The following LRRTM4 variants were observed in gnomAD, a reference collection of about 807,000 sequenced individuals.
LRRTM4 encodes leucine-rich repeat transmembrane neuronal protein 4.
LRRTM4 carries 25 observed loss-of-function variants against 47.6 expected under a neutral mutation model. The ratio of observed to expected loss-of-function variants is 0.53; its 90% confidence interval spans 0.38 to 0.73. The LOEUF is 0.73. LRRTM4 is among the 30% of genes least tolerant of loss of function. The pLI is 0.00. For missense variants in LRRTM4, 638 were observed against 713.4 expected, an observed-to-expected ratio of 0.89 and a Z score of 1.20; for synonymous variants, 311 against 269.5, an observed-to-expected ratio of 1.15 and a Z score of -1.51.
At chr2:76,841,301 G>C (rs907797131) in intron 3 of LRRTM4, among the ~76,000 whole-genome samples, 1 of 151,130 alleles carries the variant, frequency 6.6e-6, no homozygotes, top group Non-Finnish European at 1.5e-5. Flanking sequence ...GGGAGGGATA[G>C]TATTAGGAGA....
chr2:77,242,606 A>C (rs1675300013), intron 3 of LRRTM4, among the ~76,000 whole-genome samples: 1 of 152,182 alleles, frequency 6.6e-6, no homozygotes, highest in African/African-American at 2.4e-5. Flanking sequence ...TCAAAACCAC[A>C]ATGAGACACT....
intron 3 of LRRTM4, among the ~76,000 whole-genome samples, chr2:76,835,121 T>G (rs1478722073): frequency 6.6e-6 from 1 of 152,122 alleles, no homozygotes; most frequent in African/African-American, 2.4e-5. Flanking sequence ...TATCCTCAAA[T>G]TCAGAACTTG....
intron 3 of LRRTM4, among the ~76,000 whole-genome samples, chr2:76,778,572 T>C (rs1480667315): frequency 6.6e-6 from 1 of 152,062 alleles, no homozygotes; most frequent in Admixed American, 6.5e-5. Flanking sequence ...TATTCTCTGA[T>C]GGTAGTTTGT....
chr2:77,046,672 T>C (rs776734809), intron 3 of LRRTM4, among the ~76,000 whole-genome samples: 1 of 151,822 alleles, frequency 6.6e-6, no homozygotes. Context: ...CTATGAGAAA[T>C]AGTAGAAAAA....
At chr2:76,922,409 A>C (rs1290081996) in intron 3 of LRRTM4, among the ~76,000 whole-genome samples, 1 of 152,038 alleles carries the variant, frequency 6.6e-6, no homozygotes. Context: ...ACATACTTTC[A>C]AACAATCAGA....
At chr2:77,369,083 T>G (rs1161627617) in intron 3 of LRRTM4, among the ~76,000 whole-genome samples, 5 of 151,732 alleles carry the variant, frequency 3.3e-5, no homozygotes, top group Non-Finnish European at 7.4e-5. Flanking sequence ...TGCATTACCC[T>G]GAAAAATAGT....
At chr2:77,256,108 G>A (rs908114770) in intron 3 of LRRTM4, among the ~76,000 whole-genome samples, 1 of 151,972 alleles carries the variant, frequency 6.6e-6, no homozygotes, top group African/African-American at 2.4e-5. Context: ...TATAGTCTCT[G>A]TAAATATCAG....
Position 76,864,001 on chromosome 2 carries a change from CAG to C in LRRTM4, c.1552-115087_1552-115086del, listed in dbSNP as rs1476656394. On this transcript the variant is annotated intron_variant, in intron 3 of 3. Transcript: ENST00000409884. ...CTATAAGTAGTTCACCACATTTTAA[CAG>C]AGGAAAATCAAACAAAATACATCCC... Among the ~76,000 whole-genome samples, 5 of 152,234 alleles carry C rather than the reference CAG, an allele frequency of 3.3e-5. No individual in the cohort carries two copies. The East Asian group carries it at 9.7e-4, about 29-fold the overall frequency.
chr2:77,084,765 T>C (rs558581740), intron 3 of LRRTM4, among the ~76,000 whole-genome samples: 1 of 152,312 alleles, frequency 6.6e-6, no homozygotes, highest in East Asian at 1.9e-4. Flanking sequence ...AGAAACCATT[T>C]ACAGACTGTA....
intron 3 of LRRTM4, among the ~76,000 whole-genome samples, chr2:77,030,237 C>T (rs1018915083): frequency 3.3e-5 from 5 of 152,072 alleles, no homozygotes; most frequent in African/African-American, 9.7e-5. Flanking sequence ...TCGAGACCAT[C>T]CTGGCTAACA....
intron 3 of LRRTM4, chr2:77,009,581 C>T (rs889523737): frequency 2.6e-5 from 4 of 152,084 alleles, no homozygotes; most frequent in African/African-American, 9.7e-5. Context: ...AATTGATCCT[C>T]TAATTTCCAT....
At chr2:76,901,969 AAATTAAC>A (rs1306381498) in intron 3 of LRRTM4, among the ~76,000 whole-genome samples, 2 of 152,230 alleles carry the variant, frequency 1.3e-5, no homozygotes, top group Non-Finnish European at 2.9e-5. Flanking sequence ...CAGGTCCCAG[AAATTAAC>A]ATATGTGCCT....
intron 3 of LRRTM4, among the ~76,000 whole-genome samples, chr2:77,029,980 G>T (rs1226523279): frequency 2.0e-5 from 3 of 152,134 alleles, no homozygotes; most frequent in Non-Finnish European, 4.4e-5. Flanking sequence ...GTGTCATAGT[G>T]TAAAAGGTCT....
In LRRTM4 at chr2:77,052,340, T is replaced by C. The variant is rs573963175; in HGVS notation, c.1552-303424A>G. ...TCTGCCACCACGCCTGGCTAGTTTTTTGTATTTTTAGTAGAGATGGGTTTC... is the reference window on the plus strand; with the variant it reads ...TCTGCCACCACGCCTGGCTAGTTTTCTGTATTTTTAGTAGAGATGGGTTTC... On this transcript the variant is annotated intron_variant, in intron 3 of 3. Coordinates refer to ENST00000409884, the MANE Select transcript of LRRTM4 (RefSeq NM_001134745.3). 1.1e-3 allele frequency among the ~76,000 whole-genome samples: 169 copies of C among 151,814 alleles called. 1 individual carries two copies. The highest frequency in any genetic ancestry group is 3.8e-3 in the African/African-American group (159 of 41,404).
chr2:76,804,031 G>C (rs545981893), intron 3 of LRRTM4, among the ~76,000 whole-genome samples: 3 of 152,252 alleles, frequency 2.0e-5, no homozygotes, highest in African/African-American at 4.8e-5. Context: ...GTGTTACTCT[G>C]GGACAGCCTC....
intron 3 of LRRTM4, among the ~76,000 whole-genome samples, chr2:76,968,511 G>T (rs1676113673): frequency 6.7e-6 from 1 of 150,092 alleles, no homozygotes; most frequent in Non-Finnish European, 1.5e-5. Flanking sequence ...TTCTCACATT[G>T]TATGTATATT....
At chr2:77,089,296 TCTC>T (rs1244602943) in intron 3 of LRRTM4, among the ~76,000 whole-genome samples, 2 of 147,792 alleles carry the variant, frequency 1.4e-5, no homozygotes, top group African/African-American at 5.1e-5. Context: ...CTCAACCCCT[TCTC>T]CTTCACTCTT....
chr2:77,058,046 T>C (rs1369445221), intron 3 of LRRTM4, among the ~76,000 whole-genome samples: 2 of 152,202 alleles, frequency 1.3e-5, no homozygotes, highest in South Asian at 2.1e-4. Context: ...TTTTAGATTT[T>C]TCATGGGCCT....
chr2:76,968,383 T>TATATATATATATATATATATAC (rs797010446), intron 3 of LRRTM4, among the ~76,000 whole-genome samples: 1 of 111,428 alleles, frequency 9.0e-6, no homozygotes, highest in Non-Finnish European at 1.8e-5. Context: ...TATATATATA[T>TATATATATATATATATATATAC]ACACATACAT....
Sources: gnomAD v4.1 joint callset for allele counts (sites outside exome capture counted in the v4.1 genomes callset) on GRCh38, gnomAD v4.1.1 for gene constraint, MANE v1.5 for transcripts, NCBI Gene and HGNC (gene_info 2026-07-23, HGNC 2026-07-21) for gene names.